ACTN2: variants seen among roughly 807,000 people sequenced by gnomAD.
The protein encoded by ACTN2 is actinin alpha 2, also known as alpha-actinin-2.
In ACTN2, 39 loss-of-function variants were observed where a neutral mutation model predicts 113.8. That is an observed-to-expected ratio of 0.34 (90% CI 0.27 to 0.45). The LOEUF (loss-of-function observed/expected upper bound fraction) is 0.45. Ranked by LOEUF, ACTN2 falls within the 20% of genes least tolerant of loss-of-function variation. The pLI is 1.00. For synonymous variants in ACTN2, 429 were observed against 444.1 expected, an observed-to-expected ratio of 0.97 and a Z score of 0.43; for missense variants, 992 against 1,177.9, an observed-to-expected ratio of 0.84 and a Z score of 2.31.
In ACTN2 at chr1:236,762,852, T is replaced by C. The variant is rs754910214; in HGVS notation, c.*233T>C. 3 of 537,742 alleles carry C rather than the reference T, an allele frequency of 5.6e-6. No homozygotes were observed. Among genetic ancestry groups the C allele is most frequent in the Non-Finnish European group, 1.0e-5 (3 of 299,676 alleles). 33.3% of individuals were successfully genotyped at this position (537,742 alleles called of 1,614,324 possible). A position where few individuals can be genotyped will look rare whatever the true frequency, so the allele number is the denominator to read the frequency against. ...GTTTATTTCTGAGTTTTTAGCAAAA[T>C]GTAATGAAATATCAGGTTGATTTCT... is the stretch of plus-strand genomic sequence containing the variant. On this transcript the variant is annotated 3_prime_UTR_variant, in exon 21 of 21. Transcript: ENST00000366578.
intron 15 of ACTN2, among the ~76,000 whole-genome samples, chr1:236,751,954 A>G (rs1041306296): frequency 1.1e-4 from 16 of 152,232 alleles, no homozygotes; most frequent in Admixed American, 9.2e-4. Flanking sequence ...TTAAAGCCCC[A>G]ACTGGAAATT....
intron 1 of ACTN2, among the ~76,000 whole-genome samples, chr1:236,693,038 A>G (rs952750110): frequency 4.6e-5 from 7 of 152,204 alleles, no homozygotes; most frequent in African/African-American, 1.7e-4. Flanking sequence ...TCCAGAAAGA[A>G]CAGAAAGCAG....
At chr1:236,703,886 C>T (rs1449366154) in intron 1 of ACTN2, among the ~76,000 whole-genome samples, 1 of 152,002 alleles carries the variant, frequency 6.6e-6, no homozygotes, top group Non-Finnish European at 1.5e-5. Context: ...TTAAGGACTC[C>T]TGCAAATGGT....
chr1:236,753,727 G>A (rs1224214851), intron 15 of ACTN2, among the ~76,000 whole-genome samples: 1 of 151,612 alleles, frequency 6.6e-6, no homozygotes, highest in Non-Finnish European at 1.5e-5. Flanking sequence ...GGCACTTGGT[G>A]GCACTAGATG....
chr1:236,736,935 A>G (rs1400125630), intron 8 of ACTN2, 187 bp from the exon 9 acceptor site: 3 of 634,632 alleles, frequency 4.7e-6, no homozygotes, highest in Non-Finnish European at 5.7e-6. Context: ...GAAAACTGTA[A>G]CAAAGGTGTG....
intron 9 of ACTN2, among the ~76,000 whole-genome samples, chr1:236,738,895 T>C (rs1030270985): frequency 6.6e-6 from 1 of 152,228 alleles, no homozygotes; most frequent in African/African-American, 2.4e-5. Context: ...ACATTTTAAG[T>C]GAAATCCAGT....
intron 1 of ACTN2, among the ~76,000 whole-genome samples, chr1:236,693,693 C>T (rs970721716): frequency 8.5e-5 from 13 of 152,322 alleles, no homozygotes; most frequent in African/African-American, 2.4e-4. Context: ...AGGCTTTCCA[C>T]CTTCCCTGCG....
chr1:236,762,775 A>G lies in ACTN2; in HGVS notation c.*156A>G. ...GTTCAGTAATTGCCAGCAATATAAC[A>G]CGGCTAAAATGAAGTTTTTACAGTA... On this transcript the variant is annotated 3_prime_UTR_variant, in exon 21 of 21. Coordinates refer to ENST00000366578, the MANE Select transcript of ACTN2 (RefSeq NM_001103.4). 2 of 933,754 alleles carry G rather than the reference A, an allele frequency of 2.1e-6. No individual in the cohort carries two copies. The highest frequency in any genetic ancestry group is 3.3e-6 in the Non-Finnish European group (2 of 603,806). The allele number at this position is 933,754 out of a possible 1,614,324, so 57.8% of individuals were successfully genotyped here. A position where few individuals can be genotyped will look rare whatever the true frequency, so the allele number is the denominator to read the frequency against.
intron 13 of ACTN2, 115 bp from the exon 14 acceptor site, chr1:236,749,009 C>A: frequency 1.7e-6 from 2 of 1,193,302 alleles, no homozygotes; most frequent in Non-Finnish European, 2.4e-6. Context: ...TAGACACATG[C>A]TAATACGATT....
At chr1:236,706,208 G>A (rs1657820025) in intron 1 of ACTN2, among the ~76,000 whole-genome samples, 1 of 151,834 alleles carries the variant, frequency 6.6e-6, no homozygotes, top group South Asian at 2.1e-4. Flanking sequence ...TAAAAACCTG[G>A]AACTTGAGCA....
intron 14 of ACTN2, 91 bp from the exon 15 acceptor site, chr1:236,751,379 G>A: frequency 6.9e-7 from 1 of 1,449,432 alleles, no homozygotes; most frequent in Non-Finnish European, 9.5e-7. Context: ...CAATCATCAA[G>A]GCATTTACTT....
At chr1:236,713,552 G>A (rs1476159758) in intron 1 of ACTN2, among the ~76,000 whole-genome samples, 4 of 150,016 alleles carry the variant, frequency 2.7e-5, no homozygotes, top group Non-Finnish European at 4.4e-5. Context: ...TATATCCTAT[G>A]ATTTGTGTTA....
chr1:236,716,443 A>G (rs376851535), intron 1 of ACTN2, among the ~76,000 whole-genome samples: 10 of 152,280 alleles, frequency 6.6e-5, no homozygotes, highest in African/African-American at 2.2e-4. Flanking sequence ...ATAGGGCACA[A>G]GTGGAAGCCA....
chr1:236,688,364 G>C (rs1003898888), intron 1 of ACTN2, among the ~76,000 whole-genome samples: 4 of 150,370 alleles, frequency 2.7e-5, no homozygotes, highest in African/African-American at 9.8e-5. Context: ...TAATCACAGT[G>C]CTTTCTGTTG....
At position 236,728,143 on chromosome 1, in the gene ACTN2, C is replaced by CTT. The variant is rs11436295; in HGVS notation, c.615+404_615+405dup. On this transcript the variant is annotated intron_variant, in intron 6 of 20. Transcript: ENST00000366578. ...GAAGAAAGATTCAGATAGCCCAAGC[C>CTT]TTTTTTTTTTTTTTTTTTGAGACAG... Among the ~76,000 whole-genome samples, 213 of 121,070 alleles carry CTT rather than the reference C, an allele frequency of 1.8e-3. 6 individuals carry two copies. The highest frequency in any genetic ancestry group is 3.8e-3 in the Admixed American group (45 of 11,768). 79.4% of individuals were successfully genotyped at this position (121,070 alleles called of 152,430 possible). A position where few individuals can be genotyped will look rare whatever the true frequency, so the allele number is the denominator to read the frequency against.
chr1:236,723,192 C>G (rs1658451723), intron 4 of ACTN2, among the ~76,000 whole-genome samples: 1 of 152,132 alleles, frequency 6.6e-6, no homozygotes, highest in Non-Finnish European at 1.5e-5. Flanking sequence ...TCCTGATGTA[C>G]TTCTTCTTCT....
At chr1:236,723,393 T>C (rs1658457304) in intron 4 of ACTN2, among the ~76,000 whole-genome samples, 1 of 152,064 alleles carries the variant, frequency 6.6e-6, no homozygotes, top group Admixed American at 6.6e-5. Context: ...ACTTTAGGGG[T>C]GTGTGTATTT....
intron 1 of ACTN2, among the ~76,000 whole-genome samples, chr1:236,690,372 A>T (rs1666038333): frequency 1.3e-5 from 2 of 152,202 alleles, no homozygotes. Context: ...TCCTAGGAGA[A>T]AAGGCACTAA....
intron 6 of ACTN2, among the ~76,000 whole-genome samples, chr1:236,729,436 T>C (rs1305153448): frequency 2.0e-5 from 3 of 152,248 alleles, no homozygotes; most frequent in Non-Finnish European, 4.4e-5. Flanking sequence ...CGGGTGCTGG[T>C]GTGCTGAGCT....
Sources: gnomAD v4.1 joint callset for allele counts (sites outside exome capture counted in the v4.1 genomes callset) on GRCh38, gnomAD v4.1.1 for gene constraint, MANE v1.5 for transcripts, NCBI Gene and HGNC (gene_info 2026-07-23, HGNC 2026-07-21) for gene names.